CD109: variants seen among roughly 807,000 people sequenced by gnomAD.
CD109 encodes the protein CD109 antigen.
Under a neutral mutation model 165.8 loss-of-function variants are expected in CD109, and 149 were observed. The ratio of observed to expected loss-of-function variants is 0.90; its 90% CI spans 0.79 to 1.03. CD109 has a LOEUF of 1.03. CD109 is among the 50% of genes least tolerant of loss of function. The pLI is 0.00. For missense variants in CD109, 1,712 were observed against 1,677.8 expected, an observed-to-expected ratio of 1.02 and a Z score of -0.36; for synonymous variants, 585 against 592.1, an observed-to-expected ratio of 0.99 and a Z score of 0.18.
chr6:73,702,670 T>C (rs1311201550), intron 2 of CD109, among the ~76,000 whole-genome samples: 1 of 152,240 alleles, frequency 6.6e-6, no homozygotes, highest in Non-Finnish European at 1.5e-5. Context: ...GCACAGGTGC[T>C]GGCCATTCCA....
At chr6:73,756,543 A>G in intron 5 of CD109, 100 bp from the exon 6 acceptor site, 1 of 781,992 alleles carries the variant, frequency 1.3e-6, no homozygotes, top group Non-Finnish European at 2.0e-6. Flanking sequence ...ATGTAATTTA[A>G]AAATTAATTT....
upstream of CD109, among the ~76,000 whole-genome samples, chr6:73,693,533 T>C (rs947793724): frequency 2.0e-5 from 3 of 152,188 alleles, no homozygotes; most frequent in Non-Finnish European, 4.4e-5. Context: ...CAATATCTTA[T>C]TGTTACATGT....
Position 73,811,013 on chromosome 6 carries a change from G to C in CD109, c.3568G>C (p.Ala1190Pro), listed in dbSNP as rs371425280. The C allele has an allele frequency of 6.8e-6, 11 of 1,612,884 alleles. No individual in the cohort carries two copies. The Admixed American group carries it at 8.3e-5, about 12-fold the overall frequency. Reference sequence around the variant, plus strand: ...ACAGGATACCACTGTGGCTTTAAAGGCTCTGTCTGAATTTGCAGCCCTAAT... The same window carrying C: ...ACAGGATACCACTGTGGCTTTAAAGCCTCTGTCTGAATTTGCAGCCCTAAT... ...STQDTTVALK[A>P]LSEFAALMNT... Residue 1190 changes from alanine to proline, a missense_variant, in exon 28 of 33, where the codon GCT becomes CCT. By Grantham distance (27) the Ala-to-Pro change is conservative. Coordinates refer to ENST00000287097, the MANE Select transcript of CD109 (RefSeq NM_133493.5).
At chr6:73,756,739 A>G in intron 6 of CD109, 57 bp downstream of exon 6, 1 of 1,231,062 alleles carries the variant, frequency 8.1e-7, no homozygotes, top group Non-Finnish European at 1.1e-6. Context: ...TTCAGCAGAG[A>G]TTAGAGAAAT....
chr6:73,768,284 G>C, intron 14 of CD109, 53 bp downstream of exon 14: 1 of 1,073,466 alleles, frequency 9.3e-7, no homozygotes, highest in South Asian at 1.5e-5. Context: ...AGTGAAGTCT[G>C]AGAAATGTAA....
chr6:73,808,298 C>T, intron 26 of CD109, 50 bp downstream of exon 26: 1 of 1,547,570 alleles, frequency 6.5e-7, no homozygotes, highest in Non-Finnish European at 8.7e-7. Context: ...AAATATATAA[C>T]TTACATGAGA....
intron 18 of CD109, 101 bp from the exon 19 acceptor site, chr6:73,783,606 A>C: frequency 2.8e-6 from 2 of 726,212 alleles, no homozygotes; most frequent in South Asian, 1.7e-5. Flanking sequence ...ACAATAGGAA[A>C]AATTGAAATT....
chr6:73,775,743 C>T (rs1019374059), intron 15 of CD109, among the ~76,000 whole-genome samples: 1 of 152,176 alleles, frequency 6.6e-6, no homozygotes, highest in Admixed American at 6.5e-5. Flanking sequence ...CATCATTTAA[C>T]TCCCACTTAT....
intron 32 of CD109, among the ~76,000 whole-genome samples, chr6:73,823,016 A>AT (rs988527319): frequency 8.5e-5 from 13 of 152,226 alleles, no homozygotes; most frequent in Non-Finnish European, 1.5e-4. Context: ...ATATTTATGT[A>AT]TTTTTTTACT....
intron 29 of CD109, among the ~76,000 whole-genome samples, chr6:73,812,536 C>T (rs1179060258): frequency 1.3e-5 from 2 of 151,968 alleles, no homozygotes; most frequent in Admixed American, 6.6e-5. Context: ...TTAATGTCCT[C>T]CAATATGATT....
chr6:73,788,257 A>G (rs1293919190), intron 21 of CD109, among the ~76,000 whole-genome samples: 1 of 152,220 alleles, frequency 6.6e-6, no homozygotes, highest in African/African-American at 2.4e-5. Flanking sequence ...ATACAGACTA[A>G]CAAGAAAAAC....
intron 22 of CD109, among the ~76,000 whole-genome samples, chr6:73,789,829 T>C (rs1336409807): frequency 6.7e-6 from 1 of 149,720 alleles, no homozygotes; most frequent in Non-Finnish European, 1.5e-5. Context: ...GGCAGGATCT[T>C]GGCTCACTGC....
At position 73,792,825 on chromosome 6, in the gene CD109, T is replaced by C. The variant is rs971526875; in HGVS notation, c.2878+23T>C. The C allele has an allele frequency of 1.9e-6, 3 of 1,574,584 alleles. No individual in the cohort carries two copies. The African/African-American group carries it at 4.1e-5, about 22-fold the overall frequency. On this transcript the variant is annotated intron_variant, in intron 23 of 32. Transcript: ENST00000287097. ...AAGGTAAGCATTTTAGAGACCTACA[T>C]TTGTTCGTAGAAAAAAATTTGTTTT...
At chr6:73,716,212 C>G (rs774234918) in intron 2 of CD109, among the ~76,000 whole-genome samples, 3 of 152,194 alleles carry the variant, frequency 2.0e-5, no homozygotes, top group Non-Finnish European at 4.4e-5. Context: ...CAAATCTTAG[C>G]TATTATGAAC....
Position 73,820,559 on chromosome 6 carries a change from G to C in CD109, c.4158G>C (p.Glu1386Asp). ...DASVSIVDYY[E>D]PRRQAVRSYN... ...CAGTGTCCATAGTGGATTACTATGA[G>C]CCAAGTAAGTATGCTCTGGAGTTCT... The change falls in exon 32 of 33, where the codon GAG (glutamate) becomes GAC (aspartate). Residue 1386 changes from glutamate (E) to aspartate (D), a missense_variant. By Grantham distance (45) the Glu-to-Asp change is conservative. Transcript: ENST00000287097. 2 of 1,562,116 alleles carry C rather than the reference G, an allele frequency of 1.3e-6. No homozygotes were observed. The highest frequency in any genetic ancestry group is 1.8e-6 in the Non-Finnish European group (2 of 1,137,348).
intron 18 of CD109, 100 bp downstream of exon 18, chr6:73,782,855 A>G: frequency 9.2e-7 from 1 of 1,084,064 alleles, no homozygotes; most frequent in Non-Finnish European, 1.3e-6. Context: ...AACATAGTGT[A>G]ACTAAGAACT....
At chr6:73,679,685 G>GA in the CD109 span, among the ~76,000 whole-genome samples, 2 of 151,654 alleles carry the variant, frequency 1.3e-5, no homozygotes, top group African/African-American at 4.8e-5. Flanking sequence ...GTCTAGGCTG[G>GA]AGTGCAGCGG....
intron 5 of CD109, among the ~76,000 whole-genome samples, chr6:73,745,885 C>T (rs965091424): frequency 1.1e-4 from 16 of 152,080 alleles, no homozygotes; most frequent in Non-Finnish European, 4.4e-5. Flanking sequence ...TCCACCACCA[C>T]GCCTGGCTAA....
chr6:73,803,265 G>T lies in CD109; in HGVS notation c.2924G>T (p.Ser975Ile), dbSNP rs772131782. 1 of 1,610,986 alleles carries T rather than the reference G, an allele frequency of 6.2e-7. No homozygotes were observed. Among genetic ancestry groups the T allele is most frequent in the East Asian group, 2.2e-5 (1 of 44,766 alleles). The change falls in exon 24 of 33, where the codon AGT (serine) becomes ATT (isoleucine). Residue 975 changes from serine to isoleucine, a missense_variant. Ser to Ile is a moderately radical substitution (Grantham distance 142). Transcript: ENST00000287097. ...TATCAGAGGGAAGATGGCTCTTTCA[G>T]TGCTTTTGGGAATTATGACCCTTCT... ...LLYQREDGSF[S>I]AFGNYDPSGS... is the part of the protein sequence containing the mutation.
Sources: gnomAD v4.1 joint callset for allele counts (sites outside exome capture counted in the v4.1 genomes callset) on GRCh38, gnomAD v4.1.1 for gene constraint, MANE v1.5 for transcripts, NCBI Gene and HGNC (gene_info 2026-07-23, HGNC 2026-07-21) for gene names.